ZNF232: variants seen among roughly 807,000 people sequenced by gnomAD.
The protein encoded by ZNF232 is zinc finger and SCAN domain-containing protein 11.
A neutral mutation model predicts 25.2 loss-of-function variants in ZNF232; 25 were observed. The ratio of observed to expected loss-of-function variants is 0.99; its 90% CI spans 0.72 to 1.39. The LOEUF is 1.39. Among genes scored for constraint, ZNF232 ranks in the 40% most tolerant of loss-of-function variants. ZNF232 has a pLI of 0.00. For synonymous variants in ZNF232, 193 were observed against 182.9 expected (o/e 1.06, Z -0.45); for missense variants, 519 against 520.9 (o/e 1.00, Z 0.04).
intron 1 of ZNF232, among the ~76,000 whole-genome samples, chr17:5,119,032 GGGGTTTCAC>G (rs1177007860): frequency 6.6e-6 from 1 of 152,172 alleles, no homozygotes; most frequent in African/African-American, 2.4e-5. Context: ...GCTCAAAGAT[GGGGTTTCAC>G]TGGGGGCCTG....
exon 4 of ZNF232, chr17:5,105,957 T>A (rs760818334): frequency 1.2e-6 from 2 of 1,614,230 alleles, no homozygotes; most frequent in Non-Finnish European, 1.7e-6. Flanking sequence ...CTGACTTAGA[T>A]ATGAGCTTTG....
chr17:5,113,710 C>G (rs978726748), upstream of ZNF232: 1 of 152,192 alleles, frequency 6.6e-6, no homozygotes, highest in African/African-American at 2.4e-5. Context: ...TAGATTCTGT[C>G]CCAGAAAGAC....
chr17:5,116,014 A>T (rs1327865494), upstream of ZNF232, among the ~76,000 whole-genome samples: 1 of 152,348 alleles, frequency 6.6e-6, no homozygotes, highest in South Asian at 2.1e-4. Context: ...GGCGCAAGGC[A>T]CGGAGGCCAG....
At chr17:5,109,822 C>G in exon 2 of ZNF232, 1 of 1,614,078 alleles carries the variant, frequency 6.2e-7, no homozygotes, top group Non-Finnish European at 8.5e-7. Flanking sequence ...CTAGTCTGCA[C>G]TAGCTCTGCA....
At chr17:5,112,181 C>T, upstream of ZNF232, 1 of 360,672 alleles carries the variant, frequency 2.8e-6, no homozygotes, top group Non-Finnish European at 5.0e-6. Context: ...AAGGGCGGTG[C>T]TGGCGGACAG....
At chr17:5,110,130 G>A (rs2072365599) in intron 1 of ZNF232, among the ~76,000 whole-genome samples, 1 of 152,088 alleles carries the variant, frequency 6.6e-6, no homozygotes, top group Non-Finnish European at 1.5e-5. Context: ...GACCTCAGGT[G>A]ACCCACCCAC....
chr17:5,106,182 G>A, exon 4 of ZNF232: 1 of 1,614,192 alleles, frequency 6.2e-7, no homozygotes, highest in Non-Finnish European at 8.5e-7. Context: ...TTTCTCTCCA[G>A]AATGAACTCT....
At chr17:5,117,964 G>A (rs986865629) in intron 1 of ZNF232, among the ~76,000 whole-genome samples, 4 of 151,832 alleles carry the variant, frequency 2.6e-5, no homozygotes, top group Non-Finnish European at 5.9e-5. Context: ...AGCTCCTCAG[G>A]AGGCTGAGGC....
Position 5,106,471 on chromosome 17 carries a change from C to CTT in ZNF232, c.659_660dup (p.Gly221LysfsTer36). On this transcript the variant is annotated frameshift_variant, in exon 4 of 4. Coordinates refer to ENST00000575898, the Ensembl canonical transcript of ZNF232. LOFTEE classifies it low-confidence loss of function (END_TRUNC). ...GTAATGGGTGGTTGTGGCAATGATC[C>CTT]TTTGTCCTTGGGCTCTGGGCCATCT... The CTT allele has an allele frequency of 6.2e-7, 1 of 1,614,200 alleles. No individual in the cohort carries two copies. Among genetic ancestry groups the CTT allele is most frequent in the Non-Finnish European group, 8.5e-7 (1 of 1,180,032 alleles).
chr17:5,111,511 G>T, intron 1 of ZNF232: 1 of 478,062 alleles, frequency 2.1e-6, no homozygotes, highest in Non-Finnish European at 3.7e-6. Flanking sequence ...TGCCCGCCCG[G>T]GGAGGGGGCT....
rs753921134 is a variant in ZNF232 at position 5,111,762 on chromosome 17, G to T, written c.23+38C>A. The T allele has an allele frequency of 5.6e-6, 9 of 1,613,456 alleles. No homozygotes were observed. In the South Asian group the frequency reaches 9.9e-5, roughly 18 times the overall value. On this transcript the variant is annotated intron_variant, in intron 1 of 3. Coordinates refer to ENST00000575898, the Ensembl canonical transcript of ZNF232. ...CTGCGGGACGGGCAAAAGCCAAGCC[G>T]CCAGGTGGACCTCGGGGAAGCCGCC...
intron 1 of ZNF232, among the ~76,000 whole-genome samples, chr17:5,122,309 G>C (rs1410722363): frequency 6.6e-6 from 1 of 152,114 alleles, no homozygotes; most frequent in Non-Finnish European, 1.5e-5. Context: ...TGGATTTCTG[G>C]TTCCGATGAC....
chr17:5,107,542 A>AATT (rs201818905), intron 3 of ZNF232, among the ~76,000 whole-genome samples: 4 of 51,766 alleles, frequency 7.7e-5, no homozygotes, highest in Non-Finnish European at 6.9e-5. Context: ...AGGTCATTTG[A>AATT]CTTTTTTTTT....
upstream of ZNF232, among the ~76,000 whole-genome samples, chr17:5,115,994 G>A (rs1411533672): frequency 6.6e-6 from 1 of 152,232 alleles, no homozygotes; most frequent in African/African-American, 2.4e-5. Context: ...AGGGCTGGAC[G>A]GCACAAAGGG....
chr17:5,109,664 C>G (rs774009954), exon 2 of ZNF232: 1 of 1,614,066 alleles, frequency 6.2e-7, no homozygotes, highest in Non-Finnish European at 8.5e-7. Context: ...GGCGGAAGAT[C>G]TCTTGACTGG....
intron 1 of ZNF232, among the ~76,000 whole-genome samples, chr17:5,119,841 C>G (rs192883887): frequency 6.6e-6 from 1 of 152,138 alleles, no homozygotes; most frequent in Admixed American, 6.5e-5. Context: ...CCTTTTGACC[C>G]GTGAAGAAAC....
upstream of ZNF232, among the ~76,000 whole-genome samples, chr17:5,115,576 A>ACACACACACACACACACACAC (rs1555584331): frequency 1.3e-5 from 2 of 150,852 alleles, no homozygotes; most frequent in East Asian, 1.9e-4. Context: ...ACACACACAC[A>ACACACACACACACACACACAC]AAACCCAAAA....
intron 1 of ZNF232, chr17:5,121,348 A>C: frequency 3.0e-6 from 1 of 333,936 alleles, no homozygotes; most frequent in East Asian, 7.9e-5. Flanking sequence ...ATCTCCTGAA[A>C]CCCCTGTGGC....
intron 1 of ZNF232, among the ~76,000 whole-genome samples, chr17:5,120,356 T>C (rs1172028499): frequency 1.3e-5 from 2 of 152,084 alleles, no homozygotes; most frequent in African/African-American, 2.4e-5. Context: ...GGGGTTGTTA[T>C]CTCTCAGGGC....
Sources: gnomAD v4.1 joint callset for allele counts (sites outside exome capture counted in the v4.1 genomes callset) on GRCh38, gnomAD v4.1.1 for gene constraint, MANE v1.5 for transcripts, NCBI Gene and HGNC (gene_info 2026-07-23, HGNC 2026-07-21) for gene names.